The following ITPR1 variants were observed in gnomAD, a reference collection of about 807,000 sequenced individuals.
ITPR1 encodes inositol 1,4,5-trisphosphate receptor type 1.
ITPR1 carries 96 observed loss-of-function variants against 318.4 expected under a neutral mutation model. That is an observed-to-expected ratio of 0.30 (90% CI 0.26 to 0.36). The LOEUF is 0.36. Among genes scored for constraint, ITPR1 ranks in the 10% least tolerant of loss-of-function variants. The pLI, the probability that ITPR1 is intolerant of heterozygous loss-of-function variation, is 1.00. For missense variants in ITPR1, 2,440 were observed against 3,460.2 expected (o/e 0.71, Z 7.40); for synonymous variants, 1,312 against 1,289.9 (o/e 1.02, Z -0.37).
At chr3:4,624,519 A>G (rs1187135236) in intron 4 of ITPR1, among the ~76,000 whole-genome samples, 1 of 152,010 alleles carries the variant, frequency 6.6e-6, no homozygotes, top group East Asian at 1.9e-4. Context: ...AAATACAAAA[A>G]TTAGCTGGGC....
chr3:4,642,084 G>C lies in ITPR1; in HGVS notation c.367-9G>C. ...TGACACTCACTTTATTCTCTTGGTG[G>C]GTTTTTAGCTCCTGCATTTGAAAAG... On this transcript the variant is annotated splice_polypyrimidine_tract_variant and intron_variant, in intron 6 of 61. Coordinates refer to ENST00000649015, the MANE Select transcript of ITPR1 (RefSeq NM_001378452.1). 6.4e-7 allele frequency: 1 copy of C among 1,568,066 alleles called. No homozygotes were observed. The highest frequency in any genetic ancestry group is 8.6e-7 in the Non-Finnish European group (1 of 1,158,832).
At chr3:4,557,385 C>T (rs1425243918) in intron 4 of ITPR1, among the ~76,000 whole-genome samples, 1 of 152,190 alleles carries the variant, frequency 6.6e-6, no homozygotes, top group East Asian at 1.9e-4. Flanking sequence ...CAATTACCTC[C>T]CGCCAGGTCC....
At chr3:4,595,123 T>A (rs1311938711) in intron 4 of ITPR1, among the ~76,000 whole-genome samples, 2 of 152,204 alleles carry the variant, frequency 1.3e-5, no homozygotes, top group African/African-American at 4.8e-5. Flanking sequence ...AGTATCATAA[T>A]GAAACGTGTA....
intron 16 of ITPR1, among the ~76,000 whole-genome samples, 172 bp downstream of exon 16, chr3:4,663,378 G>T (rs1371992982): frequency 6.6e-6 from 1 of 152,116 alleles, no homozygotes; most frequent in Non-Finnish European, 1.5e-5. Flanking sequence ...TCCAGCCTGG[G>T]TGACAGAGAG....
intron 55 of ITPR1, among the ~76,000 whole-genome samples, chr3:4,809,360 A>G (rs2048790004): frequency 6.6e-6 from 1 of 152,248 alleles, no homozygotes; most frequent in Non-Finnish European, 1.5e-5. Flanking sequence ...ACTGTTTTTA[A>G]AAAACATATT....
chr3:4,507,240 A>T (rs1439001748), intron 2 of ITPR1, among the ~76,000 whole-genome samples: 1 of 152,060 alleles, frequency 6.6e-6, no homozygotes, highest in Non-Finnish European at 1.5e-5. Flanking sequence ...TTCACTGTAC[A>T]TGTGTGAGAG....
In ITPR1 at chr3:4,710,298, T is replaced by C; in HGVS notation, c.4843-27T>C. 1 of 1,519,896 alleles carries C rather than the reference T, an allele frequency of 6.6e-7. No homozygotes were observed. The highest frequency in any genetic ancestry group is 8.9e-7 in the Non-Finnish European group (1 of 1,125,444). 94.2% of individuals were successfully genotyped at this position (1,519,896 alleles called of 1,614,324 possible). On this transcript the variant is annotated intron_variant, in intron 37 of 61. Coordinates refer to ENST00000649015, the MANE Select transcript of ITPR1 (RefSeq NM_001378452.1). The surrounding 1 kb of genome is among the most constrained non-coding windows in gnomAD (Gnocchi z 4.2). ...CTGTGGTCAGCGTCTGCCTGAGCCG[T>C]TGACTGAGGCTGTGTTTCCGTTTTA...
intron 4 of ITPR1, among the ~76,000 whole-genome samples, chr3:4,613,100 T>C (rs1264724000): frequency 6.6e-6 from 1 of 152,190 alleles, no homozygotes; most frequent in Non-Finnish European, 1.5e-5. Flanking sequence ...TAGAGAGACA[T>C]GAGACATTAA....
intron 4 of ITPR1, among the ~76,000 whole-genome samples, chr3:4,591,303 A>G (rs1453244344): frequency 1.3e-5 from 2 of 152,182 alleles, no homozygotes; most frequent in Admixed American, 6.5e-5. Context: ...GAATCACCCT[A>G]CTGCTTTCCA....
At chr3:4,587,974 A>G (rs1398465119) in intron 4 of ITPR1, among the ~76,000 whole-genome samples, 3 of 206 alleles carry the variant, frequency 0.015, no homozygotes, top group African/African-American at 0.045. Flanking sequence ...CTCCCTAAGC[A>G]TATTTACTGC....
chr3:4,768,607 A>T lies in ITPR1; in HGVS notation c.5822A>T (p.Glu1941Val). Residue 1941 changes from glutamate (E) to valine (V), a missense_variant, in exon 46 of 62, where the codon GAG (glutamate) becomes GTG (valine). Physicochemically the swap from Glu to Val is moderately radical, Grantham distance 121. Around this residue, in one of 23 missense-constraint regions of ITPR1, gnomAD observed 113 missense variants for 103.6 expected, o/e 1.09. Transcript: ENST00000649015. The part of the protein sequence containing the change: ...TRKAFTTFRR[E>V]ADPDDHYQPG... Reference sequence around the variant, plus strand: ...AAAGCCTTCACCACTTTCAGGAGGGAGGCTGATCCCGACGACCACTACCAG... The same window carrying T: ...AAAGCCTTCACCACTTTCAGGAGGGTGGCTGATCCCGACGACCACTACCAG... The T allele has an allele frequency of 3.1e-6, 5 of 1,613,974 alleles. No individual in the cohort carries two copies. The highest frequency in any genetic ancestry group is 4.2e-6 in the Non-Finnish European group (5 of 1,179,880).
At chr3:4,771,201 C>T (rs960845596) in intron 46 of ITPR1, among the ~76,000 whole-genome samples, 20 of 152,182 alleles carry the variant, frequency 1.3e-4, no homozygotes, top group Admixed American at 3.9e-4. Flanking sequence ...GGACCTCACC[C>T]CTTCCTTCAC....
intron 54 of ITPR1, among the ~76,000 whole-genome samples, chr3:4,801,736 C>A (rs1450040570): frequency 1.3e-5 from 2 of 151,766 alleles, no homozygotes; most frequent in African/African-American, 4.8e-5. Flanking sequence ...TGCACTCCAG[C>A]CTGGGTGACA....
At chr3:4,550,885 T>G (rs2085496030) in intron 4 of ITPR1, among the ~76,000 whole-genome samples, 1 of 150,824 alleles carries the variant, frequency 6.6e-6, no homozygotes, top group Non-Finnish European at 1.5e-5. Flanking sequence ...GACCCTGTCT[T>G]TAAAAAAAAA....
At chr3:4,541,178 TA>T (rs1451488270) in intron 4 of ITPR1, among the ~76,000 whole-genome samples, 1 of 152,184 alleles carries the variant, frequency 6.6e-6, no homozygotes, top group Non-Finnish European at 1.5e-5. Context: ...ATATTGTCAT[TA>T]AAAAAATTAA....
At chr3:4,806,396 A>G (rs2048555116) in intron 55 of ITPR1, 129 bp downstream of exon 55, 2 of 912,376 alleles carry the variant, frequency 2.2e-6, no homozygotes, top group Non-Finnish European at 3.4e-6. Context: ...TTGAAGCTCC[A>G]CAGTTGGCAG....
rs755108741 is a variant in ITPR1 at position 4,660,968 on chromosome 3, C to T, written c.1152-20C>T. ...ACCTCAATATTTATTTCCCTAAAAC[C>T]CTCCTTTTTTCCCTGTTAGGAACTC... On this transcript the variant is annotated intron_variant, in intron 13 of 61. Coordinates refer to ENST00000649015, the MANE Select transcript of ITPR1 (RefSeq NM_001378452.1). 1.4e-5 allele frequency: 19 copies of T among 1,323,274 alleles called. No individual in the cohort carries two copies. The African/African-American group carries it at 1.5e-4, about 10-fold the overall frequency. 82.0% of individuals were successfully genotyped at this position (1,323,274 alleles called of 1,614,324 possible). A position where few individuals can be genotyped will look rare whatever the true frequency, so the allele number is the denominator to read the frequency against.
intron 5 of ITPR1, among the ~76,000 whole-genome samples, chr3:4,632,536 T>C (rs1689496941): frequency 6.6e-6 from 1 of 152,162 alleles, no homozygotes. Context: ...TCTTCCACTT[T>C]TTAAGAGAAG....
intron 36 of ITPR1, among the ~76,000 whole-genome samples, chr3:4,705,689 C>G (rs1197967452): frequency 6.6e-6 from 1 of 152,172 alleles, no homozygotes; most frequent in East Asian, 1.9e-4. Flanking sequence ...GAAAGAAGCA[C>G]CTATCCAGAA....
Sources: allele counts gnomAD v4.1 joint callset (sites outside exome capture counted in the v4.1 genomes callset), GRCh38; gene constraint gnomAD v4.1.1; regional missense constraint gnomAD v4.1.1; non-coding constraint Gnocchi (gnomAD v3.1); transcripts MANE v1.5; gene names NCBI Gene and HGNC (gene_info 2026-07-23, HGNC 2026-07-21).